Variants in ACTL8 observed in about 807,000 individuals in gnomAD.
ACTL8 encodes actin-like protein 8.
A neutral mutation model predicts 9.3 loss-of-function variants in ACTL8; 3 were observed. That is an observed-to-expected ratio of 0.32 (90% confidence interval 0.15 to 0.83). ACTL8 has a LOEUF of 0.83. Ranked by LOEUF, ACTL8 falls within the 40% of genes least tolerant of loss-of-function variation. The pLI is 0.57. For missense variants in ACTL8, 381 were observed against 492.2 expected (o/e 0.77, Z 2.14); for synonymous variants, 224 against 205.9 (o/e 1.09, Z -0.75).
At chr1:17,762,498 C>T (rs866284705) in intron 1 of ACTL8, among the ~76,000 whole-genome samples, 7 of 152,146 alleles carry the variant, frequency 4.6e-5, no homozygotes, top group East Asian at 1.9e-4. Flanking sequence ...GGGAGCCATC[C>T]GAATTCAGTC....
chr1:17,755,531 C>T (rs1053699055), intron 1 of ACTL8, 27 bp downstream of exon 1: 6 of 150,254 alleles, frequency 4.0e-5, no homozygotes, highest in African/African-American at 1.5e-4. Flanking sequence ...GAATTTCTAA[C>T]TTTGGCTGGT....
intron 1 of ACTL8, among the ~76,000 whole-genome samples, chr1:17,765,500 G>A (rs1045293068): frequency 3.9e-5 from 6 of 152,154 alleles, no homozygotes; most frequent in Non-Finnish European, 8.8e-5. Context: ...TTTGACAGGT[G>A]AGGAAACCGA....
At chr1:17,788,699 C>T (rs907060236) in intron 1 of ACTL8, among the ~76,000 whole-genome samples, 34 of 152,160 alleles carry the variant, frequency 2.2e-4, no homozygotes, top group African/African-American at 8.0e-4. Flanking sequence ...CACCCTGGGC[C>T]ATAGGAAGAG....
At chr1:17,776,131 G>A (rs145951210) in intron 1 of ACTL8, among the ~76,000 whole-genome samples, 1 of 152,294 alleles carries the variant, frequency 6.6e-6, no homozygotes, top group Non-Finnish European at 1.5e-5. Flanking sequence ...TGCCTCTGAG[G>A]GCCACAGGGA....
At chr1:17,759,328 C>T (rs985033389) in intron 1 of ACTL8, among the ~76,000 whole-genome samples, 2 of 152,228 alleles carry the variant, frequency 1.3e-5, no homozygotes, top group Admixed American at 6.5e-5. Flanking sequence ...GCCACGTGCT[C>T]ACAGGGCCTG....
Position 17,823,314 on chromosome 1 carries a change from G to A in ACTL8, c.306G>A (p.Glu102=), listed in dbSNP as rs1489869746. The change falls in exon 2 of 3, where the codon GAG becomes GAA. Residue 102 remains glutamate (E), a synonymous_variant. Coordinates refer to ENST00000375406, the MANE Select transcript of ACTL8 (RefSeq NM_030812.3). This position sits in a 1 kb window ranked among gnomAD's most constrained non-coding sequence, Gnocchi z 5.3. ...EQEVPPVIIT[E]TPLREPADRK... is the part of the protein sequence containing the mutation. The stretch of plus-strand genomic sequence containing the variant: ...AGGTCCCCCCTGTGATCATCACGGA[G>A]ACACCCTTGAGGGAGCCTGCGGACC... The A allele has an allele frequency of 3.1e-6, 5 of 1,614,036 alleles. No homozygotes were observed. The East Asian group carries it at 1.1e-4, about 36-fold the overall frequency.
intron 1 of ACTL8, among the ~76,000 whole-genome samples, chr1:17,789,977 C>T (rs2066226189): frequency 6.6e-6 from 1 of 152,188 alleles, no homozygotes; most frequent in Non-Finnish European, 1.5e-5. Flanking sequence ...CCCACGCCTG[C>T]CAAGGGAGAG....
intron 1 of ACTL8, among the ~76,000 whole-genome samples, chr1:17,808,160 A>G (rs565586262): frequency 6.6e-6 from 1 of 152,264 alleles, no homozygotes; most frequent in Admixed American, 6.5e-5. Context: ...TCACAAAGCA[A>G]TTCATAAGGG....
intron 1 of ACTL8, among the ~76,000 whole-genome samples, chr1:17,817,820 C>A (rs2066438211): frequency 6.6e-6 from 1 of 152,112 alleles, no homozygotes. Context: ...CCTGCCTCAG[C>A]CTCCTGAGTA....
At chr1:17,807,579 G>C (rs1277570645) in intron 1 of ACTL8, among the ~76,000 whole-genome samples, 4 of 152,182 alleles carry the variant, frequency 2.6e-5, no homozygotes, top group Non-Finnish European at 5.9e-5. Flanking sequence ...CAATAGCAAA[G>C]ACTTGGAACC....
At chr1:17,776,969 ATTTTTTT>A (rs765972298) in intron 1 of ACTL8, among the ~76,000 whole-genome samples, 599 of 50,424 alleles carry the variant, frequency 0.012, 8 homozygotes, top group African/African-American at 0.04. Flanking sequence ...CTGGCTAATG[ATTTTTTT>A]TTTTTTTTTT....
intron 1 of ACTL8, among the ~76,000 whole-genome samples, chr1:17,787,402 T>G (rs1431902200): frequency 6.6e-6 from 1 of 152,160 alleles, no homozygotes; most frequent in African/African-American, 2.4e-5. Flanking sequence ...TAGCTGAGAT[T>G]ACAGGTGTGT....
rs1031207770 is a variant in ACTL8, at chr1:17,774,864, G to A, written c.-25+19360G>A. Reference sequence around the variant, plus strand: ...GTTTGACTCTAGCATCTTTGTCTACGTCTCCCAGGAGATGATGCTCCTCTC... The same window carrying A: ...GTTTGACTCTAGCATCTTTGTCTACATCTCCCAGGAGATGATGCTCCTCTC... On this transcript the variant is annotated intron_variant, in intron 1 of 2. Coordinates refer to ENST00000375406, the MANE Select transcript of ACTL8 (RefSeq NM_030812.3). Among the ~76,000 whole-genome samples, 5 of 152,140 alleles carry A rather than the reference G, an allele frequency of 3.3e-5. No homozygotes were observed. The South Asian group carries it at 8.3e-4, about 25-fold the overall frequency.
chr1:17,773,520 C>T (rs77217221), intron 1 of ACTL8, among the ~76,000 whole-genome samples: 5 of 152,328 alleles, frequency 3.3e-5, no homozygotes, highest in Middle Eastern at 3.4e-3. Flanking sequence ...TACCCTTATG[C>T]GTTTATTTAT....
chr1:17,777,062 C>T (rs886342734), intron 1 of ACTL8, among the ~76,000 whole-genome samples: 3 of 144,820 alleles, frequency 2.1e-5, no homozygotes, highest in African/African-American at 7.8e-5. Flanking sequence ...GGCCTGGGCC[C>T]AAGTGATCCT....
At position 17,826,462 on chromosome 1, in the gene ACTL8, T is replaced by A; in HGVS notation, c.1044T>A (p.Ser348=). 6.2e-7 allele frequency: 1 copy of A among 1,611,350 alleles called. No individual in the cohort carries two copies. The highest frequency in any genetic ancestry group is 8.5e-7 in the Non-Finnish European group (1 of 1,178,368). Residue 348 remains serine (S), a synonymous_variant, in exon 3 of 3, where the codon TCT becomes TCA. Coordinates refer to ENST00000375406, the MANE Select transcript of ACTL8 (RefSeq NM_030812.3). This position sits in a 1 kb window ranked among gnomAD's most constrained non-coding sequence, Gnocchi z 4.5. ...WLGASVVAHL[S]TYQSEWMSRE... is the part of the protein sequence containing the mutation. ...GAGCGTCCGTGGTGGCTCACCTTTCTACCTACCAGTCTGAGTGGATGTCCC... is the reference window on the plus strand; with the variant it reads ...GAGCGTCCGTGGTGGCTCACCTTTCAACCTACCAGTCTGAGTGGATGTCCC...
intron 1 of ACTL8, among the ~76,000 whole-genome samples, chr1:17,768,045 A>G (rs1467124977): frequency 2.0e-5 from 3 of 152,164 alleles, no homozygotes; most frequent in South Asian, 4.2e-4. Flanking sequence ...AAGCAATAGA[A>G]ATTGCCTCTG....
intron 1 of ACTL8, among the ~76,000 whole-genome samples, chr1:17,800,747 A>C (rs1219474234): frequency 6.6e-6 from 1 of 151,650 alleles, no homozygotes; most frequent in Non-Finnish European, 1.5e-5. Context: ...GGTGCGTACC[A>C]CCATGCCTGG....
chr1:17,810,016 C>T (rs532809671), intron 1 of ACTL8, among the ~76,000 whole-genome samples: 43 of 152,056 alleles, frequency 2.8e-4, no homozygotes, highest in Non-Finnish European at 4.0e-4. Flanking sequence ...CTTTTTCTTC[C>T]ACTGGATTAT....
Sources: gnomAD v4.1 joint callset for allele counts (sites outside exome capture counted in the v4.1 genomes callset) on GRCh38, gnomAD v4.1.1 for gene constraint, Gnocchi (gnomAD v3.1) non-coding constraint, MANE v1.5 for transcripts, NCBI Gene and HGNC (gene_info 2026-07-23, HGNC 2026-07-21) for gene names.